The following MYO3B variants were observed in gnomAD, a reference collection of about 807,000 sequenced individuals.
The protein encoded by MYO3B is myosin-IIIb.
In MYO3B, 156 loss-of-function variants were observed where a neutral mutation model predicts 174.6. The observed-to-expected ratio is 0.89, with a 90% confidence interval of 0.78 to 1.02. The LOEUF is 1.02. Ranked by LOEUF, MYO3B falls within the 50% of genes least tolerant of loss-of-function variation. The probability of loss-of-function intolerance (pLI) is 0.00; values close to 1 mark genes in which losing one functional copy is unlikely to be tolerated. For missense variants in MYO3B, 1,632 were observed against 1,639.4 expected (o/e 1.00, Z 0.08); for synonymous variants, 563 against 569.1 (o/e 0.99, Z 0.15).
At position 170,316,629 on chromosome 2, in the gene MYO3B, C is replaced by T. The variant is rs541392494; in HGVS notation, c.750-18756C>T. 5.3e-5 allele frequency among the ~76,000 whole-genome samples: 8 copies of T among 152,332 alleles called. 2 individuals carry two copies. Among genetic ancestry groups the T allele is most frequent in the African/African-American group, 1.9e-4 (8 of 41,570 alleles). On this transcript the variant is annotated intron_variant, in intron 7 of 34. Coordinates refer to ENST00000408978, the MANE Select transcript of MYO3B (RefSeq NM_138995.5). ...ACTTCCTGATGTGTGAACAAAATGT[C>T]TTCTGCTGCCTTGGCTTATTCCATT...
chr2:170,558,006 A>G (rs1691443307), intron 32 of MYO3B, among the ~76,000 whole-genome samples: 1 of 152,084 alleles, frequency 6.6e-6, no homozygotes, highest in Non-Finnish European at 1.5e-5. Flanking sequence ...GAAAAAAAAA[A>G]TTCTTAAAAC....
intron 7 of MYO3B, among the ~76,000 whole-genome samples, chr2:170,271,427 TG>T (rs1574691152): frequency 6.6e-6 from 1 of 152,198 alleles, no homozygotes; most frequent in African/African-American, 2.4e-5. Flanking sequence ...GAAATGACTC[TG>T]TTAACATGTC....
intron 28 of MYO3B, among the ~76,000 whole-genome samples, chr2:170,514,264 G>T (rs567505548): frequency 6.6e-6 from 1 of 152,338 alleles, no homozygotes; most frequent in African/African-American, 2.4e-5. Flanking sequence ...AGATGTGACA[G>T]CTGGGAAAAT....
At chr2:170,625,023 T>A (rs1696283041) in intron 32 of MYO3B, among the ~76,000 whole-genome samples, 1 of 152,214 alleles carries the variant, frequency 6.6e-6, no homozygotes, top group Non-Finnish European at 1.5e-5. Context: ...TGGTCTAAAA[T>A]TCTCTTGTTT....
intron 29 of MYO3B, among the ~76,000 whole-genome samples, chr2:170,518,771 G>T (rs1688477349): frequency 6.6e-6 from 1 of 152,184 alleles, no homozygotes; most frequent in Admixed American, 6.5e-5. Flanking sequence ...TAAGTTTCCA[G>T]GTGATGTTGA....
intron 7 of MYO3B, among the ~76,000 whole-genome samples, chr2:170,249,620 A>G (rs1403777612): frequency 6.6e-6 from 1 of 152,240 alleles, no homozygotes; most frequent in Non-Finnish European, 1.5e-5. Context: ...ATGCTTTCCT[A>G]TTACTAAGTA....
At chr2:170,201,060 A>G (rs537589568) in intron 3 of MYO3B, among the ~76,000 whole-genome samples, 1 of 152,286 alleles carries the variant, frequency 6.6e-6, no homozygotes, top group South Asian at 2.1e-4. Context: ...TCTGAAGGGA[A>G]CAACACTGTA....
At chr2:170,278,931 C>T (rs1181221375) in intron 7 of MYO3B, among the ~76,000 whole-genome samples, 1 of 152,156 alleles carries the variant, frequency 6.6e-6, no homozygotes, top group African/African-American at 2.4e-5. Flanking sequence ...TCAGTTACAT[C>T]CTTGCTACTG....
intron 25 of MYO3B, among the ~76,000 whole-genome samples, chr2:170,485,418 C>CAGAGAGAGAGAGAG (rs1386921638): frequency 7.7e-6 from 1 of 130,656 alleles, no homozygotes; most frequent in Non-Finnish European, 1.7e-5. Context: ...CACACACACA[C>CAGAGAGAGAGAGAG]ACAGAGAGAG....
intron 32 of MYO3B, among the ~76,000 whole-genome samples, chr2:170,645,468 CAAAAAAAAAAAA>C (rs55720994): frequency 1.5e-5 from 1 of 66,412 alleles, no homozygotes; most frequent in Non-Finnish European, 3.0e-5. Context: ...GGCTCCGTCT[CAAAAAAAAAAAA>C]AAAAAAAAAA....
chr2:170,470,102 CAAAAAAAAAAAAA>C (rs34472083), intron 25 of MYO3B, among the ~76,000 whole-genome samples: 29 of 46,366 alleles, frequency 6.3e-4, no homozygotes, highest in Non-Finnish European at 9.7e-4. Context: ...AACTCCGTCT[CAAAAAAAAAAAAA>C]AAAAAAAAAA....
In MYO3B at chr2:170,226,729, G is replaced by A. The variant is rs78481987; in HGVS notation, c.604-9262G>A. Among the ~76,000 whole-genome samples the A allele has an allele frequency of 9.9e-4, 151 of 152,276 alleles. 3 individuals are homozygous for A. In the East Asian group the frequency reaches 0.026, roughly 26 times the overall value. The stretch of plus-strand genomic sequence containing the variant: ...TTAGATCCCAGATGTGCAGAAGCAT[G>A]TGAGGCCCAGAGCAGAGGCCTCACA... On this transcript the variant is annotated intron_variant, in intron 6 of 34. Transcript: ENST00000408978.
At chr2:170,220,311 C>A (rs539951998) in intron 6 of MYO3B, among the ~76,000 whole-genome samples, 7 of 150,914 alleles carry the variant, frequency 4.6e-5, no homozygotes, top group Admixed American at 4.0e-4. Flanking sequence ...TTCTGACTTT[C>A]CAACTTTAAC....
chr2:170,245,570 G>A (rs959595995), intron 7 of MYO3B, among the ~76,000 whole-genome samples: 2 of 152,204 alleles, frequency 1.3e-5, no homozygotes, highest in Admixed American at 6.5e-5. Context: ...CCTGGGTTCC[G>A]GTTCTGCTCC....
chr2:170,289,897 T>G (rs2105414897), intron 7 of MYO3B, among the ~76,000 whole-genome samples: 1 of 152,224 alleles, frequency 6.6e-6, no homozygotes, highest in South Asian at 2.1e-4. Flanking sequence ...TATGATGTAT[T>G]TCCATTTTTG....
At chr2:170,421,194 C>T (rs13011668) in intron 22 of MYO3B, among the ~76,000 whole-genome samples, 102,731 of 152,048 alleles carry the variant, frequency 0.68, 35,256 homozygotes, top group Middle Eastern at 0.82. Context: ...ATTTATGGTG[C>T]TGGCAGGAAG....
At chr2:170,590,083 C>T (rs1363556215) in intron 32 of MYO3B, among the ~76,000 whole-genome samples, 2 of 152,110 alleles carry the variant, frequency 1.3e-5, no homozygotes. Flanking sequence ...TGTAAGTACT[C>T]TATGAAGTTT....
chr2:170,480,306 G>C (rs1445643452), intron 25 of MYO3B, among the ~76,000 whole-genome samples: 1 of 152,108 alleles, frequency 6.6e-6, no homozygotes, highest in Non-Finnish European at 1.5e-5. Context: ...ATCACAGGGG[G>C]AGGAATGCTG....
chr2:170,525,084 A>T (rs1213126480), intron 30 of MYO3B, among the ~76,000 whole-genome samples: 3 of 152,090 alleles, frequency 2.0e-5, no homozygotes, highest in East Asian at 3.9e-4. Context: ...TGAGAAATAC[A>T]CCCTACTTGT....
Sources: allele counts gnomAD v4.1 joint callset (sites outside exome capture counted in the v4.1 genomes callset), GRCh38; gene constraint gnomAD v4.1.1; transcripts MANE v1.5; gene names NCBI Gene and HGNC (gene_info 2026-07-23, HGNC 2026-07-21).